Variants in CUL4A observed in about 807,000 individuals in gnomAD.
CUL4A encodes cullin-4A.
CUL4A carries 16 observed loss-of-function variants against 95.5 expected under a neutral mutation model. The ratio of observed to expected loss-of-function variants is 0.17; its 90% CI spans 0.11 to 0.25. The LOEUF (loss-of-function observed/expected upper bound fraction) is 0.25. Among genes scored for constraint, CUL4A ranks in the 10% least tolerant of loss-of-function variants. The pLI is 1.00. For synonymous variants in CUL4A, 380 were observed against 353.1 expected (o/e 1.08, Z -0.85); for missense variants, 610 against 937.0 (o/e 0.65, Z 4.56).
intron 8 of CUL4A, among the ~76,000 whole-genome samples, chr13:113,236,106 T>C (rs1482906211): frequency 1.3e-5 from 2 of 151,756 alleles, no homozygotes; most frequent in African/African-American, 4.8e-5. Context: ...AATGATATGG[T>C]GTGCAGAACT....
At chr13:113,218,843 G>A (rs1383489664) in intron 2 of CUL4A, 102 bp from the exon 3 acceptor site, 2 of 694,490 alleles carry the variant, frequency 2.9e-6, no homozygotes, top group Admixed American at 3.1e-5. Flanking sequence ...TAGGGTGTGG[G>A]GTGCCTTTTT....
chr13:113,254,306 G>A (rs548930628), intron 16 of CUL4A, among the ~76,000 whole-genome samples: 24 of 152,130 alleles, frequency 1.6e-4, no homozygotes, highest in Non-Finnish European at 3.2e-4. Context: ...TCACCCCTAC[G>A]TTACAGTCAG....
intron 16 of CUL4A, among the ~76,000 whole-genome samples, chr13:113,254,118 G>A (rs780419688): frequency 4.6e-5 from 7 of 152,076 alleles, no homozygotes; most frequent in Non-Finnish European, 7.4e-5. Context: ...GTGCAGGAAG[G>A]GCTTGTTATG....
chr13:113,242,862 ACTAAG>A (rs2041757773), intron 10 of CUL4A, 101 bp from the exon 11 acceptor site: 1 of 830,820 alleles, frequency 1.2e-6, no homozygotes, highest in East Asian at 2.6e-5. Context: ...AGTATTTACT[ACTAAG>A]AGTAATTTAT....
chr13:113,208,756 G>A (rs2040171121), upstream of CUL4A: 1 of 1,449,454 alleles, frequency 6.9e-7, no homozygotes, highest in East Asian at 2.7e-5. Flanking sequence ...TGCGCAGGTT[G>A]GTTCCGGAGG....
upstream of CUL4A, chr13:113,208,723 G>T: frequency 6.6e-7 from 1 of 1,504,790 alleles, no homozygotes; most frequent in South Asian, 1.2e-5. Context: ...TCTGGGTCCT[G>T]GCGCCCCCGG....
chr13:113,244,378 T>A (rs1183889177), intron 11 of CUL4A, 32 bp from the exon 12 acceptor site: 1 of 1,492,122 alleles, frequency 6.7e-7, no homozygotes, highest in Admixed American at 1.8e-5. Flanking sequence ...TTTTTCTAGT[T>A]TAGAGTATTT....
upstream of CUL4A, chr13:113,208,331 G>C (rs1358135604): frequency 2.8e-5 from 40 of 1,432,756 alleles, no homozygotes; most frequent in Middle Eastern, 2.6e-4. Flanking sequence ...CAGCGACCTG[G>C]GACCGCCGCG....
In CUL4A at chr13:113,263,589, T is replaced by C; in HGVS notation, c.*7T>C. ...GTACCACTACGTGGCCTGACGCATC[T>C]GCAGACGGTTCCCCTTCATGAAACA... On this transcript the variant is annotated 3_prime_UTR_variant, in exon 20 of 20. Coordinates refer to ENST00000375440, the MANE Select transcript of CUL4A (RefSeq NM_001008895.4). 6.4e-7 allele frequency: 1 copy of C among 1,557,052 alleles called. No homozygotes were observed. Among genetic ancestry groups the C allele is most frequent in the Non-Finnish European group, 8.8e-7 (1 of 1,142,444 alleles).
chr13:113,223,947 C>G (rs925527635), intron 3 of CUL4A, among the ~76,000 whole-genome samples: 1 of 152,154 alleles, frequency 6.6e-6, no homozygotes, highest in African/African-American at 2.4e-5. Flanking sequence ...CCATTTGTAC[C>G]CTTGCACTCA....
intron 16 of CUL4A, among the ~76,000 whole-genome samples, chr13:113,254,467 C>A (rs2042071741): frequency 6.6e-6 from 1 of 151,998 alleles, no homozygotes; most frequent in Non-Finnish European, 1.5e-5. Context: ...GCTTGGTAGG[C>A]ACCAGTAGTC....
Position 113,262,627 on chromosome 13 carries a change from C to T in CUL4A, c.2185-860C>T, listed in dbSNP as rs539163608. On this transcript the variant is annotated intron_variant, in intron 19 of 19. Transcript: ENST00000375440. ...TCGCACCACTGCACTCCAGCCTGGG[C>T]GACAAAATGAGACCCCATCTCAAAA... Among the ~76,000 whole-genome samples, 6 of 152,152 alleles carry T rather than the reference C, an allele frequency of 3.9e-5. No individual in the cohort carries two copies. In the East Asian group the frequency reaches 7.7e-4, roughly 20 times the overall value.
intron 2 of CUL4A, among the ~76,000 whole-genome samples, chr13:113,215,663 A>G (rs1269520132): frequency 1.9e-4 from 20 of 104,324 alleles, no homozygotes; most frequent in Middle Eastern, 9.4e-3. Flanking sequence ...TGTGGCTCTG[A>G]AGGTCTCTGT....
chr13:113,243,060 C>A lies in CUL4A; in HGVS notation c.1128C>A (p.Ile376=). 1.2e-6 allele frequency: 2 copies of A among 1,614,156 alleles called. No individual in the cohort carries two copies. The highest frequency in any genetic ancestry group is 1.7e-6 in the Non-Finnish European group (2 of 1,180,010). ...LDFKDKVDHV[I]EVCFQKNERF... is the part of the protein sequence containing the mutation. ...TCAAGGACAAGGTGGACCACGTGATCGAGGTCTGCTTCCAGAAGAATGAGC... is the reference window on the plus strand; with the variant it reads ...TCAAGGACAAGGTGGACCACGTGATAGAGGTCTGCTTCCAGAAGAATGAGC... Residue 376 remains isoleucine, a synonymous_variant, in exon 11 of 20, where the codon ATC becomes ATA. Transcript: ENST00000375440.
At chr13:113,245,800 G>A (rs1026084019) in intron 14 of CUL4A, among the ~76,000 whole-genome samples, 156 bp from the exon 15 acceptor site, 2 of 152,250 alleles carry the variant, frequency 1.3e-5, no homozygotes, top group Non-Finnish European at 2.9e-5. Context: ...GGCAGTCCTA[G>A]TGAGGCATTG....
chr13:113,257,425 T>C (rs1384572665), intron 18 of CUL4A, among the ~76,000 whole-genome samples: 1 of 152,238 alleles, frequency 6.6e-6, no homozygotes, highest in East Asian at 1.9e-4. Flanking sequence ...TTTAATTGGC[T>C]CACGGTTCTG....
intron 10 of CUL4A, among the ~76,000 whole-genome samples, chr13:113,242,419 G>A (rs537671891): frequency 3.2e-4 from 49 of 152,282 alleles, no homozygotes; most frequent in African/African-American, 1.2e-3. Context: ...TCTTTAAAAA[G>A]CAACGGACAT....
intron 3 of CUL4A, among the ~76,000 whole-genome samples, chr13:113,227,447 A>C (rs1438888779): frequency 3.3e-5 from 5 of 151,716 alleles, no homozygotes; most frequent in Admixed American, 3.3e-4. Context: ...TGACCTAATC[A>C]CCTCCCAGAG....
chr13:113,235,044 T>A lies in CUL4A; in HGVS notation c.766-19T>A, dbSNP rs547566972. ...ACATTCTTTTTGTTACTGATACATT[T>A]AATTGTTTTGTTTGTAAGGTTCCAG... On this transcript the variant is annotated intron_variant, in intron 7 of 19. Transcript: ENST00000375440. The A allele has an allele frequency of 3.2e-6, 5 of 1,542,992 alleles. No individual in the cohort carries two copies. The African/African-American group carries it at 6.8e-5, about 21-fold the overall frequency.
Sources: allele counts gnomAD v4.1 joint callset (sites outside exome capture counted in the v4.1 genomes callset), GRCh38; gene constraint gnomAD v4.1.1; transcripts MANE v1.5; gene names NCBI Gene and HGNC (gene_info 2026-07-23, HGNC 2026-07-21).